The following ZHX3 variants were observed in gnomAD, a reference collection of about 807,000 sequenced individuals.
The protein encoded by ZHX3 is zinc fingers and homeoboxes 3, also known as zinc fingers and homeoboxes protein 3.
In ZHX3, 20 loss-of-function variants were observed where a neutral mutation model predicts 64.5. The observed-to-expected ratio is 0.31, with a 90% CI of 0.22 to 0.45. The LOEUF is 0.45. ZHX3 is among the 20% of genes least tolerant of loss of function. The pLI, the probability that ZHX3 is intolerant of heterozygous loss-of-function variation, is 1.00. For missense variants in ZHX3, 1,041 were observed against 1,195.8 expected, an observed-to-expected ratio of 0.87 and a Z score of 1.91; for synonymous variants, 423 against 461.6, an observed-to-expected ratio of 0.92 and a Z score of 1.07.
intron 2 of ZHX3, among the ~76,000 whole-genome samples, chr20:41,266,165 A>T (rs1287218275): frequency 6.6e-6 from 1 of 152,200 alleles, no homozygotes; most frequent in Non-Finnish European, 1.5e-5. Context: ...TCTAAAAGTG[A>T]AAGATTAATT....
chr20:41,206,517 C>T (rs2038722396), intron 2 of ZHX3, among the ~76,000 whole-genome samples: 1 of 152,144 alleles, frequency 6.6e-6, no homozygotes, highest in South Asian at 2.1e-4. Flanking sequence ...GCACAAGCTT[C>T]AGTAGCCGAT....
chr20:41,259,792 G>A (rs1247370859), intron 2 of ZHX3, among the ~76,000 whole-genome samples: 1 of 152,080 alleles, frequency 6.6e-6, no homozygotes, highest in East Asian at 1.9e-4. Flanking sequence ...GGATTATCGG[G>A]TGAATTTTAT....
chr20:41,198,161 C>G (rs2037914568), intron 3 of ZHX3, among the ~76,000 whole-genome samples: 1 of 151,922 alleles, frequency 6.6e-6, no homozygotes, highest in Non-Finnish European at 1.5e-5. Flanking sequence ...CCAGGCCCAG[C>G]TAAGTTTTGT....
At chr20:41,292,921 C>T (rs1568952418) in intron 1 of ZHX3, among the ~76,000 whole-genome samples, 1 of 152,188 alleles carries the variant, frequency 6.6e-6, no homozygotes, top group African/African-American at 2.4e-5. Flanking sequence ...GCTTGTCTGG[C>T]TAGAATAAAA....
chr20:41,217,896 A>G (rs2039641299), intron 2 of ZHX3, among the ~76,000 whole-genome samples: 1 of 152,224 alleles, frequency 6.6e-6, no homozygotes, highest in African/African-American at 2.4e-5. Flanking sequence ...TCTGAATACC[A>G]ACTAAACAAT....
intron 1 of ZHX3, among the ~76,000 whole-genome samples, chr20:41,313,018 T>C (rs907499606): frequency 6.6e-6 from 1 of 151,586 alleles, no homozygotes; most frequent in Non-Finnish European, 1.5e-5. Flanking sequence ...ATTAGGAAGA[T>C]GGAAAAAAGG....
At chr20:41,274,871 C>G (rs915258348) in intron 1 of ZHX3, among the ~76,000 whole-genome samples, 1 of 120,988 alleles carries the variant, frequency 8.3e-6, no homozygotes, top group African/African-American at 3.8e-5. Context: ...AAGAATCAAA[C>G]TGGGCCAGGT....
intron 1 of ZHX3, among the ~76,000 whole-genome samples, chr20:41,314,809 C>T (rs1391359958): frequency 6.6e-6 from 1 of 152,186 alleles, no homozygotes; most frequent in Non-Finnish European, 1.5e-5. Context: ...AGGCTACCAG[C>T]AAGGTCATAT....
intron 1 of ZHX3, among the ~76,000 whole-genome samples, chr20:41,281,522 A>G (rs2043675017): frequency 6.6e-6 from 1 of 152,270 alleles, no homozygotes; most frequent in African/African-American, 2.4e-5. Flanking sequence ...GATATAATGT[A>G]GAAAATTAAT....
At chr20:41,258,067 T>C (rs749901016) in intron 2 of ZHX3, among the ~76,000 whole-genome samples, 8 of 151,144 alleles carry the variant, frequency 5.3e-5, no homozygotes, top group Non-Finnish European at 1.2e-4. Context: ...GCCCAGATAA[T>C]TTTTGTATTT....
chr20:41,216,505 G>A (rs553441548), intron 2 of ZHX3, among the ~76,000 whole-genome samples: 14 of 152,152 alleles, frequency 9.2e-5, no homozygotes, highest in African/African-American at 1.4e-4. Flanking sequence ...CTGAGTTTTC[G>A]TCTCACAATT....
At chr20:41,308,784 T>C (rs1279974013) in intron 1 of ZHX3, among the ~76,000 whole-genome samples, 4 of 152,218 alleles carry the variant, frequency 2.6e-5, no homozygotes, top group Admixed American at 6.5e-5. Context: ...TATCTAATCA[T>C]ATAGACAACC....
rs1160589160 is a variant in ZHX3, at chr20:41,212,418, C to A, written c.-150-7352G>T. On this transcript the variant is annotated intron_variant, in intron 2 of 3. Coordinates refer to ENST00000683867, the MANE Select transcript of ZHX3 (RefSeq NM_001384317.1). This position sits in a 1 kb window ranked among gnomAD's most constrained non-coding sequence, Gnocchi z 4.3. ...GGATGCAGAGAAACTGGAGCCCTCACGTATTGCTGATGAAAATGTAAAATG... is the reference window on the plus strand; with the variant it reads ...GGATGCAGAGAAACTGGAGCCCTCAAGTATTGCTGATGAAAATGTAAAATG... Among the ~76,000 whole-genome samples, 1 of 152,100 alleles carries A rather than the reference C, an allele frequency of 6.6e-6. No homozygotes were observed. Among genetic ancestry groups the A allele is most frequent in the East Asian group, 1.9e-4 (1 of 5,198 alleles).
chr20:41,224,773 A>G lies in ZHX3; in HGVS notation c.-150-19707T>C, dbSNP rs374402152. ...CTATCTTCCCCTTTGCCTCTTTGAA[A>G]TCTACCTTCTTAAGAAAGGAATGTT... On this transcript the variant is annotated intron_variant, in intron 2 of 3. Transcript: ENST00000683867. The surrounding 1 kb of genome is among the most constrained non-coding windows in gnomAD (Gnocchi z 5.2). Among the ~76,000 whole-genome samples the G allele has an allele frequency of 1.3e-5, 2 of 152,340 alleles. No individual in the cohort carries two copies. Among genetic ancestry groups the G allele is most frequent in the South Asian group, 2.1e-4 (1 of 4,826 alleles).
At chr20:41,230,621 A>G (rs1479143176) in intron 2 of ZHX3, among the ~76,000 whole-genome samples, 2 of 152,260 alleles carry the variant, frequency 1.3e-5, no homozygotes, top group African/African-American at 4.8e-5. Context: ...AATAACTTTT[A>G]TATCAATTAC....
At chr20:41,260,461 T>C (rs1342977972) in intron 2 of ZHX3, among the ~76,000 whole-genome samples, 6 of 152,290 alleles carry the variant, frequency 3.9e-5, no homozygotes, top group South Asian at 2.1e-4. Flanking sequence ...TAGTGGACAC[T>C]TGAACTCCAG....
At chr20:41,245,624 A>G (rs1218883331) in intron 2 of ZHX3, among the ~76,000 whole-genome samples, 1 of 152,256 alleles carries the variant, frequency 6.6e-6, no homozygotes. Flanking sequence ...TCCTATGCTC[A>G]GCAGCCACTA....
chr20:41,230,660 T>C (rs2040547744), intron 2 of ZHX3, among the ~76,000 whole-genome samples: 1 of 152,212 alleles, frequency 6.6e-6, no homozygotes, highest in African/African-American at 2.4e-5. Context: ...TTCTGATAAA[T>C]TGGGTTAAAT....
intron 3 of ZHX3, chr20:41,196,523 T>A (rs1260635347): frequency 1.8e-5 from 1 of 57,100 alleles, no homozygotes; most frequent in East Asian, 3.8e-4. Context: ...TATTATATAT[T>A]ATATATTATA....
Sources: gnomAD v4.1 joint callset for allele counts (sites outside exome capture counted in the v4.1 genomes callset) on GRCh38, gnomAD v4.1.1 for gene constraint, Gnocchi (gnomAD v3.1) non-coding constraint, MANE v1.5 for transcripts, NCBI Gene and HGNC (gene_info 2026-07-23, HGNC 2026-07-21) for gene names.